Variants in SLC29A3 observed in about 807,000 individuals in gnomAD.
SLC29A3 encodes equilibrative nucleoside transporter 3.
Under a neutral mutation model 25.4 loss-of-function variants are expected in SLC29A3, and 18 were observed. That is an observed-to-expected ratio of 0.71 (90% CI 0.49 to 1.05). The LOEUF (loss-of-function observed/expected upper bound fraction) is 1.05, where lower values mean the gene tolerates loss of function less well. SLC29A3 is among the 50% of genes least tolerant of loss of function. The pLI is 0.00. For missense variants in SLC29A3, 586 were observed against 609.0 expected (o/e 0.96, Z 0.40); for synonymous variants, 258 against 267.1 (o/e 0.97, Z 0.33).
At chr10:71,344,923 G>A (rs186092870) in intron 3 of SLC29A3, among the ~76,000 whole-genome samples, 217 of 152,284 alleles carry the variant, frequency 1.4e-3, no homozygotes, top group Admixed American at 2.8e-3. Context: ...TGTTATGGTC[G>A]GTCCAGAAAC....
intron 2 of SLC29A3, among the ~76,000 whole-genome samples, chr10:71,326,018 A>C (rs1845957709): frequency 1.3e-5 from 2 of 151,426 alleles, no homozygotes; most frequent in South Asian, 4.2e-4. Context: ...CCTGGGCTCA[A>C]GTGATGCTCT....
chr10:71,338,150 C>A (rs1454107728), intron 2 of SLC29A3, among the ~76,000 whole-genome samples: 3 of 152,176 alleles, frequency 2.0e-5, no homozygotes, highest in African/African-American at 7.2e-5. Context: ...TGGGTGAGGC[C>A]CCCATGCCCA....
chr10:71,344,910 CTA>C (rs1481745036), intron 3 of SLC29A3, among the ~76,000 whole-genome samples: 2 of 152,200 alleles, frequency 1.3e-5, no homozygotes, highest in African/African-American at 2.4e-5. Flanking sequence ...ATATCAATGG[CTA>C]TGTTATGGTC....
At chr10:71,381,337 T>A (rs1158526047) in exon 5 of SLC29A3, 2 of 152,174 alleles carry the variant, frequency 1.3e-5, no homozygotes, top group Non-Finnish European at 1.5e-5. Context: ...TCCTGTGAAC[T>A]TAAAACTACT....
intron 4 of SLC29A3, among the ~76,000 whole-genome samples, chr10:71,353,226 G>A (rs1047559695): frequency 2.6e-5 from 4 of 152,182 alleles, no homozygotes; most frequent in Non-Finnish European, 5.9e-5. Flanking sequence ...GCTTCTGGCT[G>A]TATCCTGGGA....
intron 4 of SLC29A3, among the ~76,000 whole-genome samples, chr10:71,354,655 C>T (rs74144922): frequency 0.048 from 7,244 of 152,180 alleles, 370 homozygotes; most frequent in African/African-American, 0.13. Flanking sequence ...CAGGCCATGC[C>T]CACACGGACC....
rs79643634 is a variant in SLC29A3, at chr10:71,361,130, C to CTGTTT, written c.774-799_774-795dup. Among the ~76,000 whole-genome samples the CTGTTT allele has an allele frequency of 7.5e-3, 1,134 of 152,062 alleles. 9 individuals are homozygous for CTGTTT. Among genetic ancestry groups the CTGTTT allele is most frequent in the Non-Finnish European group, 0.012 (800 of 67,970 alleles). On this transcript the variant is annotated intron_variant, in intron 5 of 5. Transcript: ENST00000373189. Reference sequence around the variant, plus strand: ...AACAGTATGTACCAGATTGGTTTTTCTGTTTTGTTTTGTTTTGTTTTGTTT... The same window carrying CTGTTT: ...AACAGTATGTACCAGATTGGTTTTTCTGTTTTGTTTTGTTTTGTTTTGTTTTGTTT...
intron 3 of SLC29A3, among the ~76,000 whole-genome samples, chr10:71,371,499 A>C (rs1847210665): frequency 6.6e-6 from 1 of 152,168 alleles, no homozygotes; most frequent in Non-Finnish European, 1.5e-5. Flanking sequence ...CTTACATCAG[A>C]TAGTCAAAGA....
At chr10:71,372,117 A>T (rs1037795607) in intron 3 of SLC29A3, among the ~76,000 whole-genome samples, 4 of 152,196 alleles carry the variant, frequency 2.6e-5, no homozygotes, top group African/African-American at 9.7e-5. Flanking sequence ...TTTAGGCGTG[A>T]GTCAGGAGCC....
chr10:71,319,475 C>G (rs1245788714), intron 1 of SLC29A3, 165 bp downstream of exon 1: 1 of 436,524 alleles, frequency 2.3e-6, no homozygotes, highest in Non-Finnish European at 4.1e-6. Flanking sequence ...TCCTCTCTCT[C>G]CTTGCTCTCT....
chr10:71,341,192 G>A (rs1846397914), intron 2 of SLC29A3, among the ~76,000 whole-genome samples: 1 of 152,280 alleles, frequency 6.6e-6, no homozygotes, highest in African/African-American at 2.4e-5. Flanking sequence ...GCCTAGCAGG[G>A]CGTGGGGTCT....
chr10:71,356,060 C>T (rs765323189), intron 4 of SLC29A3, 21 bp from the exon 5 acceptor site: 21 of 1,613,032 alleles, frequency 1.3e-5, no homozygotes, highest in Non-Finnish European at 9.3e-6. Context: ...ACCATCTCTG[C>T]GTGTCCTCTG....
chr10:71,373,003 C>T (rs35685474), intron 3 of SLC29A3, among the ~76,000 whole-genome samples: 2 of 151,998 alleles, frequency 1.3e-5, no homozygotes, highest in African/African-American at 2.4e-5. Context: ...CTCACCCCCT[C>T]GCAGGCATTC....
intron 4 of SLC29A3, among the ~76,000 whole-genome samples, 187 bp downstream of exon 4, chr10:71,351,975 A>G (rs1182418103): frequency 1.3e-5 from 2 of 152,228 alleles, no homozygotes; most frequent in African/African-American, 4.8e-5. Flanking sequence ...CAGCTTGGAC[A>G]GGAGTTTGCA....
intron 3 of SLC29A3, among the ~76,000 whole-genome samples, chr10:71,374,688 C>T (rs959419111): frequency 2.0e-5 from 3 of 152,220 alleles, no homozygotes; most frequent in Admixed American, 6.5e-5. Context: ...CAGCAGCCAG[C>T]GACTTCACCA....
chr10:71,359,822 C>T (rs1003898464), intron 5 of SLC29A3, among the ~76,000 whole-genome samples: 38 of 152,218 alleles, frequency 2.5e-4, no homozygotes, highest in Admixed American at 2.5e-3. Flanking sequence ...ACCCCTACAC[C>T]AACTCCCTCT....
rs775029211 is a variant in SLC29A3 at position 71,363,377 on chromosome 10, C to G, written c.*769C>G. On this transcript the variant is annotated 3_prime_UTR_variant, in exon 6 of 6. Transcript: ENST00000373189. ...GGTTCAAGGGCGTAATAAATACTTG[C>G]GTATTCAATGTAAGCCTCATTGATG... is the stretch of plus-strand genomic sequence containing the variant. The G allele has an allele frequency of 3.3e-5, 15 of 454,030 alleles. No homozygotes were observed. Among genetic ancestry groups the G allele is most frequent in the Middle Eastern group, 1.4e-3 (2 of 1,444 alleles). 28.1% of individuals were successfully genotyped at this position (454,030 alleles called of 1,614,324 possible).
At chr10:71,335,974 G>C (rs1846241757) in intron 2 of SLC29A3, among the ~76,000 whole-genome samples, 1 of 152,100 alleles carries the variant, frequency 6.6e-6, no homozygotes, top group Non-Finnish European at 1.5e-5. Context: ...GGTGGGGGCG[G>C]GTGTGTCCTT....
intron 4 of SLC29A3, chr10:71,352,929 T>G (rs1278496305): frequency 6.6e-6 from 1 of 152,308 alleles, no homozygotes; most frequent in Non-Finnish European, 1.5e-5. Flanking sequence ...GCCCCTGTTA[T>G]GCAGAGGAGA....
Sources: allele counts gnomAD v4.1 joint callset (sites outside exome capture counted in the v4.1 genomes callset), GRCh38; gene constraint gnomAD v4.1.1; transcripts MANE v1.5; gene names NCBI Gene and HGNC (gene_info 2026-07-23, HGNC 2026-07-21).